Variants in MOB3B observed in about 807,000 individuals in gnomAD.
MOB3B encodes MOB kinase activator 3B, also known as MOB kinase activator-like 2B.
Under a neutral mutation model 18.7 loss-of-function variants are expected in MOB3B, and 7 were observed. That is an observed-to-expected ratio of 0.37 (90% CI 0.21 to 0.70). MOB3B has a LOEUF of 0.70. Among genes scored for constraint, MOB3B ranks in the 30% least tolerant of loss-of-function variants. MOB3B has a pLI of 0.52. For missense variants in MOB3B, 253 were observed against 281.3 expected, an observed-to-expected ratio of 0.90 and a Z score of 0.72; for synonymous variants, 111 against 99.9, an observed-to-expected ratio of 1.11 and a Z score of -0.66.
rs951233474 is a variant in MOB3B at position 27,335,502 on chromosome 9, A to C, written c.622-4886T>G. Among the ~76,000 whole-genome samples the C allele has an allele frequency of 6.6e-5, 10 of 152,258 alleles. No individual in the cohort carries two copies. In the South Asian group the frequency reaches 1.5e-3, roughly 22 times the overall value. ...CTGCAGGTAAAATCTTTATCATCTC[A>C]TGATGCTCCTAAACTCCATTAATGG... On this transcript the variant is annotated intron_variant, in intron 3 of 3. Transcript: ENST00000262244.
At chr9:27,402,468 A>G (rs975128049) in intron 2 of MOB3B, among the ~76,000 whole-genome samples, 49 of 152,186 alleles carry the variant, frequency 3.2e-4, no homozygotes, top group African/African-American at 1.2e-3. Flanking sequence ...TACTGCCTAC[A>G]TCTGGGGACA....
At chr9:27,360,476 G>C (rs1490883545) in intron 2 of MOB3B, among the ~76,000 whole-genome samples, 1 of 152,218 alleles carries the variant, frequency 6.6e-6, no homozygotes, top group East Asian at 1.9e-4. Context: ...CTGCACTCCA[G>C]CCTTGGCGAC....
At chr9:27,419,993 A>C (rs1022496212) in intron 2 of MOB3B, among the ~76,000 whole-genome samples, 2 of 152,222 alleles carry the variant, frequency 1.3e-5, no homozygotes, top group African/African-American at 4.8e-5. Context: ...AAGTGGGCTA[A>C]GCACATGAAT....
chr9:27,461,923 A>T (rs1280541677), intron 1 of MOB3B, among the ~76,000 whole-genome samples: 1 of 152,194 alleles, frequency 6.6e-6, no homozygotes, highest in South Asian at 2.1e-4. Flanking sequence ...TTTGTTTGGT[A>T]TGGTTTGAAA....
chr9:27,489,688 C>G (rs1169695711), intron 1 of MOB3B, among the ~76,000 whole-genome samples: 1 of 149,424 alleles, frequency 6.7e-6, no homozygotes, highest in Non-Finnish European at 1.5e-5. Context: ...ACAAATTTTC[C>G]TGGCTGGAAA....
chr9:27,343,840 G>A (rs1820993262), intron 3 of MOB3B, among the ~76,000 whole-genome samples: 1 of 151,602 alleles, frequency 6.6e-6, no homozygotes, highest in Admixed American at 6.6e-5. Context: ...GAGAAATAAA[G>A]CAAGATATCC....
intron 3 of MOB3B, among the ~76,000 whole-genome samples, chr9:27,351,937 G>A (rs184045060): frequency 6.6e-6 from 1 of 152,308 alleles, no homozygotes; most frequent in East Asian, 1.9e-4. Context: ...GATAGTTTTG[G>A]TGGTAGAGCC....
chr9:27,343,912 T>C (rs1820994309), intron 3 of MOB3B, among the ~76,000 whole-genome samples: 2 of 151,860 alleles, frequency 1.3e-5, no homozygotes, highest in Non-Finnish European at 2.9e-5. Context: ...AAAGACCCAA[T>C]TCATATGTGA....
intron 1 of MOB3B, among the ~76,000 whole-genome samples, chr9:27,491,821 C>T (rs2484313): frequency 1.3e-5 from 2 of 152,064 alleles, no homozygotes; most frequent in South Asian, 2.1e-4. Context: ...TGCAGTGAGC[C>T]GAGATCGCAC....
Position 27,401,889 on chromosome 9 carries a change from C to G in MOB3B, c.419-42653G>C, listed in dbSNP as rs892430124. On this transcript the variant is annotated intron_variant, in intron 2 of 3. Coordinates refer to ENST00000262244, the MANE Select transcript of MOB3B (RefSeq NM_024761.5). Reference sequence around the variant, plus strand: ...GAGCTAAACTTCATTTCATCCATTACTCCACATACTAGGTGGGTATTATGC... The same window carrying G: ...GAGCTAAACTTCATTTCATCCATTAGTCCACATACTAGGTGGGTATTATGC... Among the ~76,000 whole-genome samples the G allele has an allele frequency of 2.0e-5, 3 of 152,166 alleles. No homozygotes were observed. In the South Asian group the frequency reaches 6.2e-4, roughly 32 times the overall value.
chr9:27,466,532 G>A lies in MOB3B; in HGVS notation c.-198-10784C>T, dbSNP rs1819385271. 2.0e-5 allele frequency among the ~76,000 whole-genome samples: 3 copies of A among 152,156 alleles called. No homozygotes were observed. The East Asian group carries it at 5.8e-4, about 29-fold the overall frequency. On this transcript the variant is annotated intron_variant, in intron 1 of 3. Coordinates refer to ENST00000262244, the MANE Select transcript of MOB3B (RefSeq NM_024761.5). Reference sequence around the variant, plus strand: ...CTTTTCAGCAACGCCTCACTCTACTGGTACCAATTTACTATATTTGTCCAT... The same window carrying A: ...CTTTTCAGCAACGCCTCACTCTACTAGTACCAATTTACTATATTTGTCCAT...
intron 1 of MOB3B, among the ~76,000 whole-genome samples, chr9:27,514,675 T>A (rs1316791326): frequency 6.6e-6 from 1 of 152,180 alleles, no homozygotes; most frequent in Non-Finnish European, 1.5e-5. Flanking sequence ...AATGCCAACA[T>A]GTGTGACCAT....
chr9:27,345,628 T>C (rs997916238), intron 3 of MOB3B, among the ~76,000 whole-genome samples: 2 of 152,206 alleles, frequency 1.3e-5, no homozygotes, highest in African/African-American at 4.8e-5. Context: ...CCTGACTCTG[T>C]TGACTTTGGC....
chr9:27,363,574 T>C (rs1169489668), intron 2 of MOB3B, among the ~76,000 whole-genome samples: 1 of 151,956 alleles, frequency 6.6e-6, no homozygotes, highest in African/African-American at 2.4e-5. Flanking sequence ...GGCTCAGTTT[T>C]TTTTTTTTTT....
chr9:27,512,976 G>GCGTCAA (rs572654445), intron 1 of MOB3B, among the ~76,000 whole-genome samples: 191 of 152,198 alleles, frequency 1.3e-3, no homozygotes, highest in African/African-American at 4.4e-3. Context: ...GGAAATTCAA[G>GCGTCAA]CCTCAACCTC....
At chr9:27,492,918 C>T (rs1334825789) in intron 1 of MOB3B, among the ~76,000 whole-genome samples, 3 of 152,080 alleles carry the variant, frequency 2.0e-5, no homozygotes, top group Admixed American at 6.6e-5. Context: ...CTTCTATGAA[C>T]GTCTGATTTC....
At chr9:27,501,766 CAAAAA>C (rs36090681) in intron 1 of MOB3B, among the ~76,000 whole-genome samples, 6 of 129,314 alleles carry the variant, frequency 4.6e-5, no homozygotes, top group Admixed American at 7.7e-5. Flanking sequence ...GACTCTGTCT[CAAAAA>C]AAAAAAAAAA....
chr9:27,496,545 A>G (rs1441126157), intron 1 of MOB3B, among the ~76,000 whole-genome samples: 1 of 152,208 alleles, frequency 6.6e-6, no homozygotes, highest in African/African-American at 2.4e-5. Flanking sequence ...TACAGCCTAA[A>G]TATTAAAAAA....
At chr9:27,386,731 G>T (rs530135505) in intron 2 of MOB3B, among the ~76,000 whole-genome samples, 5 of 152,330 alleles carry the variant, frequency 3.3e-5, no homozygotes, top group African/African-American at 1.2e-4. Context: ...ATTGCATTCA[G>T]AGCACATCTT....
Sources: gnomAD v4.1 joint callset for allele counts (sites outside exome capture counted in the v4.1 genomes callset) on GRCh38, gnomAD v4.1.1 for gene constraint, MANE v1.5 for transcripts, NCBI Gene and HGNC (gene_info 2026-07-23, HGNC 2026-07-21) for gene names.